TRIM2: variants seen among roughly 807,000 people sequenced by gnomAD.
The protein encoded by TRIM2 is tripartite motif-containing protein 2.
In TRIM2, 20 loss-of-function variants were observed where a neutral mutation model predicts 75.2. That is an observed-to-expected ratio of 0.27 (90% CI 0.19 to 0.39). The LOEUF (loss-of-function observed/expected upper bound fraction) is 0.39, where lower values mean the gene tolerates loss of function less well. Ranked by LOEUF, TRIM2 falls within the 10% of genes least tolerant of loss-of-function variation. The pLI is 1.00. For missense variants in TRIM2, 660 were observed against 990.8 expected (o/e 0.67, Z 4.48); for synonymous variants, 373 against 388.3 (o/e 0.96, Z 0.46).
At chr4:153,192,163 ATTGT>A (rs1331829985) in intron 1 of TRIM2, among the ~76,000 whole-genome samples, 1 of 152,224 alleles carries the variant, frequency 6.6e-6, no homozygotes, top group Admixed American at 6.5e-5. Context: ...CACCACAGTG[ATTGT>A]TTAAGCACAG....
At chr4:153,250,765 G>T (rs78553973) in intron 1 of TRIM2, among the ~76,000 whole-genome samples, 1,633 of 152,318 alleles carry the variant, frequency 0.011, 9 homozygotes, top group Middle Eastern at 0.024. Context: ...AACATACTGG[G>T]CAGGGAGTCA....
chr4:153,272,531 G>T (rs1251643946), intron 2 of TRIM2, among the ~76,000 whole-genome samples: 2 of 151,936 alleles, frequency 1.3e-5, no homozygotes, highest in Non-Finnish European at 2.9e-5. Context: ...CTGTCACCCA[G>T]TCTAGAGTGC....
At chr4:153,251,936 C>T (rs1007832341) in intron 1 of TRIM2, among the ~76,000 whole-genome samples, 2 of 61,714 alleles carry the variant, frequency 3.2e-5, no homozygotes, top group Non-Finnish European at 6.2e-5. Flanking sequence ...CGCCACTGCA[C>T]TCCCACTCCA....
At chr4:153,196,267 C>A (rs949511658) in intron 1 of TRIM2, among the ~76,000 whole-genome samples, 1 of 146,746 alleles carries the variant, frequency 6.8e-6, no homozygotes, top group South Asian at 2.1e-4. Flanking sequence ...CCTACCACCC[C>A]CCCCCACACA....
intron 1 of TRIM2, among the ~76,000 whole-genome samples, chr4:153,177,767 C>CT (rs1731620860): frequency 9.2e-6 from 1 of 108,582 alleles, no homozygotes; most frequent in African/African-American, 3.7e-5. Flanking sequence ...CCCTCCCATC[C>CT]TCCCTCCTTC....
At chr4:153,202,698 C>CAA (rs748719135), upstream of TRIM2, among the ~76,000 whole-genome samples, 337 of 77,866 alleles carry the variant, frequency 4.3e-3, 6 homozygotes, top group African/African-American at 0.012. Context: ...GACTCTGTCT[C>CAA]AAAAAAAAAA....
upstream of TRIM2, among the ~76,000 whole-genome samples, chr4:153,199,719 A>G (rs1734128858): frequency 6.6e-6 from 1 of 152,150 alleles, no homozygotes; most frequent in African/African-American, 2.4e-5. Flanking sequence ...GTGATGCACA[A>G]ATATAATGGA....
At chr4:153,162,916 A>G (rs34841902) in intron 1 of TRIM2, among the ~76,000 whole-genome samples, 67,798 of 152,130 alleles carry the variant, frequency 0.45, 16,210 homozygotes, top group Non-Finnish European at 0.55. Context: ...TTAAAGAAAC[A>G]GGTTGGGACA....
At chr4:153,158,492 T>C (rs1229856131) in intron 1 of TRIM2, among the ~76,000 whole-genome samples, 1 of 152,132 alleles carries the variant, frequency 6.6e-6, no homozygotes, top group Non-Finnish European at 1.5e-5. Context: ...TGCAGGAAAC[T>C]TTAAATCTGT....
intron 6 of TRIM2, among the ~76,000 whole-genome samples, chr4:153,311,421 A>C (rs1026928547): frequency 1.1e-4 from 17 of 151,350 alleles, no homozygotes; most frequent in African/African-American, 3.7e-4. Flanking sequence ...TCATTCTAGC[A>C]GGATAGACAA....
chr4:153,164,201 C>T (rs1291188454), intron 1 of TRIM2, among the ~76,000 whole-genome samples: 2 of 152,142 alleles, frequency 1.3e-5, no homozygotes, highest in Non-Finnish European at 1.5e-5. Context: ...TACAGTTGTG[C>T]AGCCATAGCT....
chr4:153,184,254 G>A (rs1732366773), intron 1 of TRIM2, among the ~76,000 whole-genome samples: 1 of 152,162 alleles, frequency 6.6e-6, no homozygotes, highest in Non-Finnish European at 1.5e-5. Context: ...GGGTGTCAGT[G>A]TGGTTGGTTC....
intron 11 of TRIM2, among the ~76,000 whole-genome samples, chr4:153,334,227 C>G (rs548099779): frequency 1.3e-5 from 2 of 152,134 alleles, no homozygotes; most frequent in African/African-American, 2.4e-5. Flanking sequence ...TGAAAGCTAG[C>G]AGCCAATGGC....
chr4:153,239,424 T>G (rs1008021433), intron 1 of TRIM2, among the ~76,000 whole-genome samples: 1 of 134,760 alleles, frequency 7.4e-6, no homozygotes, highest in African/African-American at 3.0e-5. Context: ...TAGTGCTCTC[T>G]CTCTCTCTCT....
At chr4:153,239,594 T>C (rs2149835640) in intron 1 of TRIM2, among the ~76,000 whole-genome samples, 1 of 152,324 alleles carries the variant, frequency 6.6e-6, no homozygotes, top group South Asian at 2.1e-4. Context: ...TGCATCATCA[T>C]TGCATGAAAG....
intron 1 of TRIM2, among the ~76,000 whole-genome samples, chr4:153,256,278 C>T (rs62323713): frequency 6.6e-6 from 1 of 152,056 alleles, no homozygotes; most frequent in African/African-American, 2.4e-5. Flanking sequence ...CTGTGATCCC[C>T]CTCCTCCTAC....
rs1262594546 is a variant in TRIM2, at chr4:153,338,757, T to A, written c.*3791T>A. 1 of 985,674 alleles carries A rather than the reference T, an allele frequency of 1.0e-6. No individual in the cohort carries two copies. The highest frequency in any genetic ancestry group is 1.2e-6 in the Non-Finnish European group (1 of 829,912). The allele number at this position is 985,674 out of a possible 1,614,324, so 61.1% of individuals were successfully genotyped here. ...AAGCTATTAATATTCTAGAATAGATTAATAAATTGGCTATGTTGTTCCAAT... is the reference window on the plus strand; with the variant it reads ...AAGCTATTAATATTCTAGAATAGATAAATAAATTGGCTATGTTGTTCCAAT... On this transcript the variant is annotated 3_prime_UTR_variant, in exon 12 of 12. Transcript: ENST00000338700.
intron 6 of TRIM2, chr4:153,307,887 AC>A (rs1765370325): frequency 5.1e-5 from 38 of 748,234 alleles, no homozygotes; most frequent in South Asian, 4.9e-4. Context: ...ATTGTGGGAG[AC>A]CATGATTCTG....
Position 153,283,642 on chromosome 4 carries a change from CT to C in TRIM2, c.453+7527del, listed in dbSNP as rs766776861. ...TAAGGAACCGTCAACTGTTTTTTTT[CT>C]TTTTTTTTTTTTTTGAGACAGAGTT... On this transcript the variant is annotated intron_variant, in intron 3 of 11. Coordinates refer to ENST00000338700, the MANE Select transcript of TRIM2 (RefSeq NM_015271.5). 3.0e-3 allele frequency among the ~76,000 whole-genome samples: 368 copies of C among 124,536 alleles called. 2 individuals carry two copies. The highest frequency in any genetic ancestry group is 0.021 in the East Asian group (97 of 4,702). The allele number at this position is 124,536 out of a possible 152,430, so 81.7% of individuals were successfully genotyped here.
Sources: gnomAD v4.1 joint callset for allele counts (sites outside exome capture counted in the v4.1 genomes callset) on GRCh38, gnomAD v4.1.1 for gene constraint, MANE v1.5 for transcripts, NCBI Gene and HGNC (gene_info 2026-07-23, HGNC 2026-07-21) for gene names.